Variants in MPPED2 observed in about 807,000 individuals in gnomAD.
The protein encoded by MPPED2 is metallophosphoesterase domain containing 2, also known as metallophosphoesterase MPPED2.
A neutral mutation model predicts 33.0 loss-of-function variants in MPPED2; 5 were observed. The observed-to-expected ratio is 0.15, with a 90% confidence interval of 0.08 to 0.32. MPPED2 has a LOEUF of 0.32. Among genes scored for constraint, MPPED2 ranks in the 10% least tolerant of loss-of-function variants. MPPED2 has a pLI of 1.00. For missense variants in MPPED2, 275 were observed against 372.1 expected (o/e 0.74, Z 2.15); for synonymous variants, 136 against 141.9 (o/e 0.96, Z 0.29).
intron 5 of MPPED2, among the ~76,000 whole-genome samples, chr11:30,417,146 C>T (rs1438104068): frequency 6.6e-6 from 1 of 152,088 alleles, no homozygotes; most frequent in Non-Finnish European, 1.5e-5. Context: ...TCCATCATTT[C>T]ATTGCCATTC....
At chr11:30,481,302 C>T (rs74835063) in intron 4 of MPPED2, among the ~76,000 whole-genome samples, 2,748 of 152,190 alleles carry the variant, frequency 0.018, 83 homozygotes, top group African/African-American at 0.063. Context: ...AACTTTTCCT[C>T]CTCCTGAAAC....
At chr11:30,573,532 C>A (rs1488105465) in intron 2 of MPPED2, among the ~76,000 whole-genome samples, 1 of 152,162 alleles carries the variant, frequency 6.6e-6, no homozygotes, top group Non-Finnish European at 1.5e-5. Flanking sequence ...CAGGAGATAA[C>A]AGCTCCATGC....
At chr11:30,537,739 A>G (rs1441252045) in intron 2 of MPPED2, among the ~76,000 whole-genome samples, 1 of 152,204 alleles carries the variant, frequency 6.6e-6, no homozygotes. Flanking sequence ...GCCCAAAAAG[A>G]AAGTTTAACT....
intron 4 of MPPED2, among the ~76,000 whole-genome samples, chr11:30,420,174 C>T (rs756753679): frequency 3.3e-5 from 5 of 152,066 alleles, no homozygotes; most frequent in East Asian, 1.9e-4. Context: ...TTATCTAGGT[C>T]GGCCCAGTGT....
intron 3 of MPPED2, among the ~76,000 whole-genome samples, chr11:30,497,133 A>C (rs1952302437): frequency 6.6e-6 from 1 of 152,212 alleles, no homozygotes; most frequent in Admixed American, 6.5e-5. Flanking sequence ...AGTTCAAAAA[A>C]GAATAGGAAG....
intron 2 of MPPED2, among the ~76,000 whole-genome samples, chr11:30,545,925 C>T (rs775771000): frequency 1.4e-4 from 21 of 152,134 alleles, no homozygotes; most frequent in Non-Finnish European, 2.6e-4. Context: ...TGCAGTGGCA[C>T]GGTCTCGGCT....
intron 2 of MPPED2, among the ~76,000 whole-genome samples, chr11:30,569,375 A>T (rs929839520): frequency 6.6e-6 from 1 of 152,218 alleles, no homozygotes; most frequent in African/African-American, 2.4e-5. Context: ...GAATTGCATT[A>T]TGGAAGAATT....
chr11:30,496,683 AC>A (rs1407310247), intron 3 of MPPED2, among the ~76,000 whole-genome samples: 1 of 96,096 alleles, frequency 1.0e-5, no homozygotes, highest in Non-Finnish European at 1.8e-5. Context: ...CATTAAGGAA[AC>A]TTAGTGGGGA....
intron 4 of MPPED2, among the ~76,000 whole-genome samples, chr11:30,435,895 A>G (rs1949302527): frequency 6.6e-6 from 1 of 152,152 alleles, no homozygotes; most frequent in Non-Finnish European, 1.5e-5. Context: ...GGCAAAGGAG[A>G]TGAGGAAAAC....
At chr11:30,505,723 C>G (rs1952792984) in intron 3 of MPPED2, among the ~76,000 whole-genome samples, 1 of 152,168 alleles carries the variant, frequency 6.6e-6, no homozygotes, top group African/African-American at 2.4e-5. Flanking sequence ...TTGGTAAAGA[C>G]ATTGTCAGGT....
intron 4 of MPPED2, among the ~76,000 whole-genome samples, chr11:30,431,660 AC>A (rs1009171743): frequency 6.6e-6 from 1 of 152,146 alleles, no homozygotes; most frequent in Non-Finnish European, 1.5e-5. Flanking sequence ...CATTACTTTC[AC>A]TTTCTAGAAT....
chr11:30,477,182 T>G (rs538525647), intron 4 of MPPED2, among the ~76,000 whole-genome samples: 27 of 152,186 alleles, frequency 1.8e-4, no homozygotes, highest in Non-Finnish European at 3.8e-4. Flanking sequence ...CAATTTTACT[T>G]CTTTGTCTCC....
At chr11:30,526,523 C>G (rs1565153966) in intron 3 of MPPED2, among the ~76,000 whole-genome samples, 1 of 152,106 alleles carries the variant, frequency 6.6e-6, no homozygotes, top group Non-Finnish European at 1.5e-5. Flanking sequence ...GTATTAAACT[C>G]TCAACAGTAA....
At chr11:30,526,893 T>C (rs974412633) in intron 3 of MPPED2, among the ~76,000 whole-genome samples, 1 of 151,898 alleles carries the variant, frequency 6.6e-6, no homozygotes, top group African/African-American at 2.4e-5. Context: ...TTTTCTATTT[T>C]TTTTTATTTT....
intron 4 of MPPED2, among the ~76,000 whole-genome samples, chr11:30,471,570 G>T (rs1352019586): frequency 6.6e-6 from 1 of 152,184 alleles, no homozygotes; most frequent in Admixed American, 6.5e-5. Context: ...CATCATGTCT[G>T]TCTCCCAAGT....
rs890722118 is a variant in MPPED2, at chr11:30,459,011, C to T, written c.536+36285G>A. Among the ~76,000 whole-genome samples, 278 of 145,886 alleles carry T rather than the reference C, an allele frequency of 1.9e-3. 1 individual carries two copies. Among genetic ancestry groups the T allele is most frequent in the Non-Finnish European group, 3.4e-3 (227 of 66,538 alleles). Reference sequence around the variant, plus strand: ...CGGGATCTCGGCTCACTGCAAGCTCCGCCTCCCGGGTTCACGCCATTCTCC... The same window carrying T: ...CGGGATCTCGGCTCACTGCAAGCTCTGCCTCCCGGGTTCACGCCATTCTCC... On this transcript the variant is annotated intron_variant, in intron 4 of 6. Transcript: ENST00000358117.
intron 3 of MPPED2, among the ~76,000 whole-genome samples, chr11:30,514,584 C>T (rs1391275301): frequency 6.6e-6 from 1 of 152,140 alleles, no homozygotes; most frequent in Non-Finnish European, 1.5e-5. Context: ...AGCCTCCTAA[C>T]TGTTCTATGT....
At chr11:30,405,412 G>T (rs1947974270), downstream of MPPED2, among the ~76,000 whole-genome samples, 1 of 152,166 alleles carries the variant, frequency 6.6e-6, no homozygotes, top group Non-Finnish European at 1.5e-5. Context: ...CTGTGTTCAT[G>T]TGTTTAGTCT....
At chr11:30,397,613 C>T (rs1947854547) in intron 6 of MPPED2, among the ~76,000 whole-genome samples, 1 of 152,080 alleles carries the variant, frequency 6.6e-6, no homozygotes. Context: ...AGTAGTAGCT[C>T]ACATGTGTCA....
Sources: gnomAD v4.1 joint callset for allele counts (sites outside exome capture counted in the v4.1 genomes callset) on GRCh38, gnomAD v4.1.1 for gene constraint, MANE v1.5 for transcripts, NCBI Gene and HGNC (gene_info 2026-07-23, HGNC 2026-07-21) for gene names.